Variants in TMEM132B observed in about 807,000 individuals in gnomAD.
The protein encoded by TMEM132B is transmembrane protein 132B.
TMEM132B carries 18 observed loss-of-function variants against 90.8 expected under a neutral mutation model. That is an observed-to-expected ratio of 0.20 (90% confidence interval 0.14 to 0.29). TMEM132B has a LOEUF of 0.29. Ranked by LOEUF, TMEM132B falls within the 10% of genes least tolerant of loss-of-function variation. The pLI is 1.00. For missense variants in TMEM132B, 1,096 were observed against 1,326.8 expected, an observed-to-expected ratio of 0.83 and a Z score of 2.70; for synonymous variants, 504 against 523.3, an observed-to-expected ratio of 0.96 and a Z score of 0.50.
intron 1 of TMEM132B, chr12:125,326,445 A>T: frequency 1.4e-6 from 1 of 704,070 alleles, no homozygotes; most frequent in Non-Finnish European, 2.4e-6. Context: ...GTTTCCAATG[A>T]AGACAATATG....
intron 1 of TMEM132B, among the ~76,000 whole-genome samples, chr12:125,218,318 C>T (rs1873484075): frequency 2.0e-5 from 3 of 152,018 alleles, no homozygotes; most frequent in East Asian, 3.9e-4. Flanking sequence ...GAAAAAAAGG[C>T]AAGCTCTCAA....
At chr12:125,527,273 T>C in intron 4 of TMEM132B, among the ~76,000 whole-genome samples, 1 of 92,978 alleles carries the variant, frequency 1.1e-5, no homozygotes, top group Non-Finnish European at 2.0e-5. Flanking sequence ...CGTTTACCCT[T>C]CTATCCACCC....
intron 4 of TMEM132B, among the ~76,000 whole-genome samples, chr12:125,572,423 A>G (rs1884821959): frequency 6.6e-6 from 1 of 152,240 alleles, no homozygotes; most frequent in African/African-American, 2.4e-5. Context: ...TCCAGAGGCT[A>G]CGCCGTTCAA....
At position 125,213,317 on chromosome 12, in the gene TMEM132B, T is replaced by C. The variant is rs185793910; in HGVS notation, c.67+26451T>C. On this transcript the variant is annotated intron_variant, in intron 1 of 8. Coordinates refer to ENST00000682704, the MANE Select transcript of TMEM132B (RefSeq NM_001366854.1). This position sits in a 1 kb window ranked among gnomAD's most constrained non-coding sequence, Gnocchi z 4.2. ...GGATATGCCACCTTTTGTTTATCCG[T>C]TCATCTGTTAGTGGGTGTTTGGGTT... is the stretch of plus-strand genomic sequence containing the variant. 5.6e-3 allele frequency among the ~76,000 whole-genome samples: 860 copies of C among 152,316 alleles called. 22 individuals carry two copies. The highest frequency in any genetic ancestry group is 0.05 in the Admixed American group (760 of 15,296).
At chr12:125,355,523 G>A (rs984663618) in intron 2 of TMEM132B, among the ~76,000 whole-genome samples, 47 of 152,196 alleles carry the variant, frequency 3.1e-4, no homozygotes, top group Admixed American at 2.9e-3. Flanking sequence ...CAGAGGTTGT[G>A]GCTTGACTTC....
chr12:125,526,375 G>A (rs1883462693), intron 4 of TMEM132B, among the ~76,000 whole-genome samples: 1 of 152,214 alleles, frequency 6.6e-6, no homozygotes, highest in Admixed American at 6.5e-5. Flanking sequence ...CTGGAGAGGA[G>A]ACTTATTCCT....
At chr12:125,562,733 ATCTGATGGT>A (rs1884563890) in intron 4 of TMEM132B, among the ~76,000 whole-genome samples, 1 of 152,066 alleles carries the variant, frequency 6.6e-6, no homozygotes, top group South Asian at 2.1e-4. Context: ...GTCTCATGAG[ATCTGATGGT>A]TCTATAAGGG....
At chr12:125,295,123 AAACAGC>A (rs1287814775) in intron 1 of TMEM132B, among the ~76,000 whole-genome samples, 7 of 152,236 alleles carry the variant, frequency 4.6e-5, no homozygotes, top group Non-Finnish European at 8.8e-5. Flanking sequence ...AGCCATGATT[AAACAGC>A]AAAATGACCA....
intron 3 of TMEM132B, among the ~76,000 whole-genome samples, chr12:125,441,751 C>T (rs573841613): frequency 3.9e-5 from 6 of 152,300 alleles, no homozygotes; most frequent in East Asian, 1.9e-4. Context: ...CTTCCATCTC[C>T]GATCACTCGT....
chr12:125,300,034 C>T (rs982000972), intron 1 of TMEM132B, among the ~76,000 whole-genome samples: 2 of 152,220 alleles, frequency 1.3e-5, no homozygotes, highest in African/African-American at 2.4e-5. Context: ...ATGCGCCCTG[C>T]GTGGGCCGCC....
intron 1 of TMEM132B, among the ~76,000 whole-genome samples, chr12:125,284,632 C>A (rs1350926572): frequency 6.6e-6 from 1 of 152,208 alleles, no homozygotes; most frequent in Non-Finnish European, 1.5e-5. Context: ...ACCATAGTTT[C>A]TTTTGCCAGT....
intron 3 of TMEM132B, among the ~76,000 whole-genome samples, chr12:125,488,145 G>A (rs1334995436): frequency 6.6e-6 from 1 of 152,120 alleles, no homozygotes; most frequent in Non-Finnish European, 1.5e-5. Flanking sequence ...TTGATAGACA[G>A]TATCTTCTAG....
At chr12:125,566,848 T>C (rs1366039642) in intron 4 of TMEM132B, among the ~76,000 whole-genome samples, 2 of 141,986 alleles carry the variant, frequency 1.4e-5, no homozygotes, top group African/African-American at 2.7e-5. Context: ...TTTTTTTTTT[T>C]TTTTTTTTTT....
intron 3 of TMEM132B, among the ~76,000 whole-genome samples, chr12:125,446,794 G>A (rs926642505): frequency 2.5e-4 from 38 of 152,004 alleles, no homozygotes; most frequent in Non-Finnish European, 4.3e-4. Context: ...TATTGCAGCC[G>A]AATAAAAACC....
At chr12:125,434,642 G>A (rs568979074) in intron 3 of TMEM132B, among the ~76,000 whole-genome samples, 9 of 152,198 alleles carry the variant, frequency 5.9e-5, no homozygotes, top group Non-Finnish European at 1.2e-4. Context: ...CAGACGTCGC[G>A]TTCCATCGAG....
At chr12:125,228,065 C>T (rs972623539) in intron 1 of TMEM132B, among the ~76,000 whole-genome samples, 12 of 152,214 alleles carry the variant, frequency 7.9e-5, no homozygotes, top group African/African-American at 2.9e-4. Context: ...AACACCTGTA[C>T]TCTAATTATT....
At chr12:125,205,561 C>T (rs1873161793) in intron 1 of TMEM132B, among the ~76,000 whole-genome samples, 1 of 152,218 alleles carries the variant, frequency 6.6e-6, no homozygotes, top group Non-Finnish European at 1.5e-5. Flanking sequence ...CTTTCAGCAA[C>T]CCTGTAGACA....
intron 1 of TMEM132B, among the ~76,000 whole-genome samples, chr12:125,339,227 C>G (rs1203628703): frequency 6.6e-6 from 1 of 152,184 alleles, no homozygotes; most frequent in African/African-American, 2.4e-5. Flanking sequence ...TATTGGGCCA[C>G]TTAAACAGCA....
intron 1 of TMEM132B, among the ~76,000 whole-genome samples, chr12:125,320,015 T>TAA (rs375672552): frequency 3.5e-5 from 5 of 142,872 alleles, no homozygotes; most frequent in Admixed American, 6.9e-5. Context: ...AGACCCTGCC[T>TAA]AAAAAAAAAA....
Sources: allele counts gnomAD v4.1 joint callset (sites outside exome capture counted in the v4.1 genomes callset), GRCh38; gene constraint gnomAD v4.1.1; non-coding constraint Gnocchi (gnomAD v3.1); transcripts MANE v1.5; gene names NCBI Gene and HGNC (gene_info 2026-07-23, HGNC 2026-07-21).